Variants in CSMD3 observed in about 807,000 individuals in gnomAD.
CSMD3 encodes the protein CUB and Sushi multiple domains 3, also known as CUB and sushi domain-containing protein 3.
In CSMD3, 177 loss-of-function variants were observed where a neutral mutation model predicts 435.2. That is an observed-to-expected ratio of 0.41 (90% CI 0.36 to 0.46). The LOEUF is 0.46. Among genes scored for constraint, CSMD3 ranks in the 20% least tolerant of loss-of-function variants. CSMD3 has a pLI of 0.34. For synonymous variants in CSMD3, 1,656 were observed against 1,520.5 expected, an observed-to-expected ratio of 1.09 and a Z score of -2.07; for missense variants, 4,265 against 4,504.6, an observed-to-expected ratio of 0.95 and a Z score of 1.52.
intron 6 of CSMD3, among the ~76,000 whole-genome samples, chr8:112,997,864 A>G (rs201457598): frequency 0.017 from 365 of 21,294 alleles, 1 homozygote; most frequent in African/African-American, 0.16. Context: ...ATATGTGTGT[A>G]TATATATATA....
chr8:112,927,427 G>A (rs113037255), intron 9 of CSMD3, among the ~76,000 whole-genome samples: 5,138 of 151,978 alleles, frequency 0.034, 151 homozygotes, highest in Middle Eastern at 0.051. Context: ...AACTAGTTTG[G>A]GATTCAATCC....
chr8:113,168,519 CA>C (rs71281204), intron 4 of CSMD3, among the ~76,000 whole-genome samples: 58 of 17,006 alleles, frequency 3.4e-3, no homozygotes, highest in South Asian at 0.013. Flanking sequence ...GACTCTGTCT[CA>C]AAAAAAAAAA....
Position 112,287,260 on chromosome 8 carries a change from C to T in CSMD3, c.9149-14G>A, listed in dbSNP as rs753637882. 6.2e-7 allele frequency: 1 copy of T among 1,612,962 alleles called. No homozygotes were observed. The highest frequency in any genetic ancestry group is 8.5e-7 in the Non-Finnish European group (1 of 1,179,158). ...CAGTAGCATCACCTGCAATGCAGTA[C>T]AGTTCAAGTTAACCAATTCCCATAA... On this transcript the variant is annotated splice_polypyrimidine_tract_variant and intron_variant, in intron 57 of 70. Coordinates refer to ENST00000297405, the MANE Select transcript of CSMD3 (RefSeq NM_198123.2).
At chr8:112,765,681 T>C (rs2077960725) in intron 13 of CSMD3, among the ~76,000 whole-genome samples, 1 of 151,758 alleles carries the variant, frequency 6.6e-6, no homozygotes, top group East Asian at 1.9e-4. Context: ...GCTAGAATTT[T>C]TTCCCATGTC....
chr8:112,556,719 G>T (rs1828151122), intron 25 of CSMD3, 44 bp downstream of exon 25: 6 of 1,492,498 alleles, frequency 4.0e-6, no homozygotes, highest in Non-Finnish European at 5.6e-6. Context: ...ATTTGATAAA[G>T]TTTTCACAGA....
intron 13 of CSMD3, among the ~76,000 whole-genome samples, chr8:112,723,321 C>T (rs1382798870): frequency 6.6e-6 from 1 of 152,134 alleles, no homozygotes; most frequent in Non-Finnish European, 1.5e-5. Flanking sequence ...TATCCTGTCA[C>T]TGTGCCTCCA....
chr8:113,126,736 T>C lies in CSMD3; in HGVS notation c.710-27773A>G, dbSNP rs548410764. Among the ~76,000 whole-genome samples the C allele has an allele frequency of 2.6e-5, 4 of 151,976 alleles. No individual in the cohort carries two copies. The South Asian group carries it at 6.2e-4, about 24-fold the overall frequency. On this transcript the variant is annotated intron_variant, in intron 4 of 70. Transcript: ENST00000297405. ...TTTTTTATGTTGTTTATATTGTTAT[T>C]GACTGTTCAATTTTCTACAATTAAT...
chr8:112,384,309 T>G (rs114402486), intron 36 of CSMD3, among the ~76,000 whole-genome samples: 32 of 152,354 alleles, frequency 2.1e-4, no homozygotes, highest in African/African-American at 7.7e-4. Context: ...AATAGAGTTA[T>G]AGTAACTACG....
intron 1 of CSMD3, among the ~76,000 whole-genome samples, chr8:113,363,545 G>A (rs1426768017): frequency 6.6e-6 from 1 of 152,130 alleles, no homozygotes; most frequent in Non-Finnish European, 1.5e-5. Context: ...AGGCTCTAGT[G>A]AAGGAGTTCC....
chr8:112,377,655 A>C (rs1829069757), intron 38 of CSMD3, among the ~76,000 whole-genome samples: 1 of 152,246 alleles, frequency 6.6e-6, no homozygotes, highest in South Asian at 2.1e-4. Flanking sequence ...ACCACAACTA[A>C]GAGGAATTTA....
intron 32 of CSMD3, among the ~76,000 whole-genome samples, chr8:112,459,012 T>G (rs1397499311): frequency 6.6e-6 from 1 of 152,014 alleles, no homozygotes; most frequent in Non-Finnish European, 1.5e-5. Context: ...AAACAATGAA[T>G]GCTTCCTCCC....
intron 49 of CSMD3, among the ~76,000 whole-genome samples, chr8:112,311,833 C>T (rs1256487068): frequency 6.6e-6 from 1 of 152,066 alleles, no homozygotes; most frequent in Non-Finnish European, 1.5e-5. Context: ...TCCCATTTAC[C>T]TTCTGAAACT....
At chr8:112,910,782 C>T (rs1455388528) in intron 10 of CSMD3, among the ~76,000 whole-genome samples, 1 of 151,892 alleles carries the variant, frequency 6.6e-6, no homozygotes, top group Non-Finnish European at 1.5e-5. Flanking sequence ...CACATAAAGC[C>T]TCAGTTTTTT....
At chr8:112,392,852 T>C (rs1267675254) in intron 35 of CSMD3, among the ~76,000 whole-genome samples, 2 of 135,158 alleles carry the variant, frequency 1.5e-5, no homozygotes, top group African/African-American at 6.7e-5. Flanking sequence ...TCACAGATAG[T>C]TTCTTTTTTT....
intron 5 of CSMD3, among the ~76,000 whole-genome samples, chr8:113,022,476 C>CAAAT (rs1298142765): frequency 2.0e-5 from 3 of 151,636 alleles, no homozygotes; most frequent in Non-Finnish European, 4.4e-5. Context: ...AACATACAAA[C>CAAAT]AAATAAATAA....
intron 10 of CSMD3, among the ~76,000 whole-genome samples, chr8:112,918,223 T>C (rs1218666660): frequency 6.6e-6 from 1 of 151,718 alleles, no homozygotes; most frequent in Non-Finnish European, 1.5e-5. Flanking sequence ...AGTACAACAA[T>C]AAATGAATAA....
intron 9 of CSMD3, among the ~76,000 whole-genome samples, chr8:112,924,190 T>C (rs1480568714): frequency 6.6e-6 from 1 of 152,110 alleles, no homozygotes; most frequent in Non-Finnish European, 1.5e-5. Flanking sequence ...TAAAATGAAC[T>C]CATTGGTTTC....
intron 7 of CSMD3, among the ~76,000 whole-genome samples, chr8:112,975,581 A>G (rs2084815016): frequency 6.6e-6 from 1 of 152,130 alleles, no homozygotes; most frequent in African/African-American, 2.4e-5. Flanking sequence ...CTGTTTAAAA[A>G]TGATTTCTGT....
chr8:113,434,786 C>A (rs1342081541), intron 1 of CSMD3, among the ~76,000 whole-genome samples: 1 of 152,148 alleles, frequency 6.6e-6, no homozygotes, highest in African/African-American at 2.4e-5. Flanking sequence ...TCGGAAAATA[C>A]GGTAGGTGCG....
Sources: allele counts gnomAD v4.1 joint callset (sites outside exome capture counted in the v4.1 genomes callset), GRCh38; gene constraint gnomAD v4.1.1; transcripts MANE v1.5; gene names NCBI Gene and HGNC (gene_info 2026-07-23, HGNC 2026-07-21).